EPHA6: variants seen among roughly 807,000 people sequenced by gnomAD.
EPHA6 encodes EPH receptor A6.
EPHA6 carries 50 observed loss-of-function variants against 112.0 expected under a neutral mutation model. The ratio of observed to expected loss-of-function variants is 0.45; its 90% CI spans 0.36 to 0.56. The LOEUF is 0.56. EPHA6 is among the 20% of genes least tolerant of loss of function. The pLI is 0.00. For missense variants in EPHA6, 1,280 were observed against 1,417.4 expected, an observed-to-expected ratio of 0.90 and a Z score of 1.56; for synonymous variants, 529 against 490.7, an observed-to-expected ratio of 1.08 and a Z score of -1.03.
At chr3:97,112,517 A>T (rs1057314028) in intron 3 of EPHA6, among the ~76,000 whole-genome samples, 5 of 152,258 alleles carry the variant, frequency 3.3e-5, no homozygotes, top group African/African-American at 1.2e-4. Flanking sequence ...CTTAGGGTTT[A>T]AAAATTTTGT....
At chr3:97,423,288 T>TA (rs965980309) in intron 6 of EPHA6, among the ~76,000 whole-genome samples, 9 of 152,180 alleles carry the variant, frequency 5.9e-5, no homozygotes, top group East Asian at 1.9e-4. Flanking sequence ...CTAGATCTGA[T>TA]AAAAAATTTC....
At chr3:97,746,816 T>TCCCCA (rs2035733045) in intron 16 of EPHA6, among the ~76,000 whole-genome samples, 1 of 151,968 alleles carries the variant, frequency 6.6e-6, no homozygotes, top group Non-Finnish European at 1.5e-5. Context: ...AGCTTGTATG[T>TCCCCA]GTGTAAATCT....
At chr3:96,893,032 C>T (rs1312477879) in intron 2 of EPHA6, among the ~76,000 whole-genome samples, 1 of 151,362 alleles carries the variant, frequency 6.6e-6, no homozygotes, top group Admixed American at 6.6e-5. Flanking sequence ...AAACCACATA[C>T]ATGTGATGAT....
intron 11 of EPHA6, among the ~76,000 whole-genome samples, chr3:97,543,309 A>G (rs1036480781): frequency 2.6e-5 from 4 of 152,174 alleles, no homozygotes; most frequent in African/African-American, 9.7e-5. Flanking sequence ...AGCTTTCTAC[A>G]TATGGCTAGC....
chr3:97,441,455 T>A (rs2090135413), intron 6 of EPHA6: 1 of 979,390 alleles, frequency 1.0e-6, no homozygotes, highest in Non-Finnish European at 1.2e-6. Context: ...CGTCCTCAAC[T>A]AGACATCTGC....
intron 10 of EPHA6, among the ~76,000 whole-genome samples, chr3:97,502,048 A>C (rs2092131557): frequency 6.6e-6 from 1 of 151,904 alleles, no homozygotes; most frequent in African/African-American, 2.4e-5. Context: ...CCCTATACCC[A>C]GGGCTTACGT....
chr3:97,410,516 G>C (rs1440926296), intron 6 of EPHA6, among the ~76,000 whole-genome samples: 1 of 151,938 alleles, frequency 6.6e-6, no homozygotes, highest in African/African-American at 2.4e-5. Context: ...TTTGTTCTCT[G>C]CCTGTCCCTT....
At chr3:97,248,092 TA>T (rs200765604) in intron 5 of EPHA6, among the ~76,000 whole-genome samples, 36 of 151,310 alleles carry the variant, frequency 2.4e-4, no homozygotes, top group African/African-American at 5.6e-4. Context: ...TAAACAAATG[TA>T]AAAAAAAAGT....
At chr3:97,299,904 T>A (rs905139125) in intron 5 of EPHA6, among the ~76,000 whole-genome samples, 1 of 152,186 alleles carries the variant, frequency 6.6e-6, no homozygotes, top group African/African-American at 2.4e-5. Flanking sequence ...ATAGGGTGGT[T>A]TAACTGAACC....
chr3:97,036,545 G>GT (rs1045879982), intron 3 of EPHA6, among the ~76,000 whole-genome samples: 10 of 151,836 alleles, frequency 6.6e-5, no homozygotes, highest in Non-Finnish European at 1.3e-4. Context: ...TAAGTCAATT[G>GT]TTTTTTTCTC....
chr3:97,245,310 T>C (rs1234488593), intron 5 of EPHA6, among the ~76,000 whole-genome samples: 9 of 151,984 alleles, frequency 5.9e-5, no homozygotes, highest in Non-Finnish European at 1.0e-4. Flanking sequence ...TCACAAGGTC[T>C]GTCCTCCTTA....
chr3:97,706,008 C>T (rs566578880), intron 14 of EPHA6, among the ~76,000 whole-genome samples: 190 of 152,244 alleles, frequency 1.2e-3, no homozygotes, highest in African/African-American at 3.9e-3. Context: ...CTGAGCAAAA[C>T]AAGCTGGAAG....
At chr3:96,982,572 C>T (rs1485125375) in intron 2 of EPHA6, among the ~76,000 whole-genome samples, 10 of 151,952 alleles carry the variant, frequency 6.6e-5, no homozygotes, top group East Asian at 1.9e-4. Context: ...CTATTAGGTC[C>T]GCTTGGTGCA....
rs1302272547 is a variant in EPHA6 at position 97,539,026 on chromosome 3, TCTTTCTTTCTTG to T, written c.2386+6495_2386+6506del. On this transcript the variant is annotated intron_variant, in intron 11 of 17. Transcript: ENST00000389672. ...TTCTTTCTTTCTTTCTTTCTTTCTT[TCTTTCTTTCTTG>T]CTTTCTTTCTTTCTTTTTCTCTTTC... 3.6e-3 allele frequency among the ~76,000 whole-genome samples: 532 copies of T among 149,370 alleles called. 1 individual carries two copies. The highest frequency in any genetic ancestry group is 0.012 in the African/African-American group (469 of 40,286).
chr3:97,446,301 G>A (rs540126028), intron 6 of EPHA6, among the ~76,000 whole-genome samples: 2 of 148,304 alleles, frequency 1.3e-5, no homozygotes, highest in Admixed American at 6.6e-5. Context: ...TGAGTGATTC[G>A]GGCTGAAGAA....
intron 2 of EPHA6, among the ~76,000 whole-genome samples, chr3:96,968,518 A>G (rs1472399390): frequency 6.6e-6 from 1 of 151,806 alleles, no homozygotes; most frequent in Non-Finnish European, 1.5e-5. Context: ...TTAGAAGTAT[A>G]TATGAGAATT....
At chr3:97,029,207 C>A (rs896329632) in intron 3 of EPHA6, among the ~76,000 whole-genome samples, 2 of 151,586 alleles carry the variant, frequency 1.3e-5, no homozygotes, top group Non-Finnish European at 2.9e-5. Context: ...TAGATATAAA[C>A]AGAGTAATTT....
chr3:96,930,060 G>A (rs1402697896), intron 2 of EPHA6, among the ~76,000 whole-genome samples: 1 of 152,160 alleles, frequency 6.6e-6, no homozygotes, highest in East Asian at 1.9e-4. Flanking sequence ...TGTTTTTCAG[G>A]TCTAACAGGT....
chr3:97,111,564 A>T (rs1324107085), intron 3 of EPHA6, among the ~76,000 whole-genome samples: 5 of 151,978 alleles, frequency 3.3e-5, no homozygotes, highest in African/African-American at 1.2e-4. Context: ...TTAAAATTAT[A>T]TTTTTCCCTG....
Sources: allele counts gnomAD v4.1 joint callset (sites outside exome capture counted in the v4.1 genomes callset), GRCh38; gene constraint gnomAD v4.1.1; transcripts MANE v1.5; gene names NCBI Gene and HGNC (gene_info 2026-07-23, HGNC 2026-07-21).